The following ADAM10 variants were observed in gnomAD, a reference collection of about 807,000 sequenced individuals.
ADAM10 encodes the protein disintegrin and metalloproteinase domain-containing protein 10.
In ADAM10, 17 loss-of-function variants were observed where a neutral mutation model predicts 90.1. The ratio of observed to expected loss-of-function variants is 0.19; its 90% CI spans 0.13 to 0.28. The LOEUF is 0.28. ADAM10 is among the 10% of genes least tolerant of loss of function. The pLI is 1.00. For missense variants in ADAM10, 610 were observed against 914.3 expected (o/e 0.67, Z 4.29); for synonymous variants, 310 against 298.6 (o/e 1.04, Z -0.40).
intron 1 of ADAM10, among the ~76,000 whole-genome samples, chr15:58,722,809 G>A (rs1304927747): frequency 1.5e-5 from 2 of 134,800 alleles, no homozygotes; most frequent in Non-Finnish European, 3.0e-5. Flanking sequence ...AAGGCTCACT[G>A]TAGCCTTGAC....
intron 1 of ADAM10, among the ~76,000 whole-genome samples, chr15:58,731,856 T>C (rs889403783): frequency 6.6e-6 from 1 of 152,128 alleles, no homozygotes; most frequent in South Asian, 2.1e-4. Context: ...GAAAGACGTT[T>C]TTCCATCTAG....
intron 2 of ADAM10, among the ~76,000 whole-genome samples, chr15:58,695,180 C>T (rs1897941952): frequency 6.6e-6 from 1 of 152,172 alleles, no homozygotes; most frequent in Non-Finnish European, 1.5e-5. Context: ...TGCCAAATAA[C>T]TCCCAGGGCT....
At chr15:58,709,463 G>C (rs896537204) in intron 2 of ADAM10, among the ~76,000 whole-genome samples, 1 of 152,152 alleles carries the variant, frequency 6.6e-6, no homozygotes, top group African/African-American at 2.4e-5. Context: ...CACTGGCCAG[G>C]CACGGTGACT....
At chr15:58,647,248 ATTTTTTTTTTTTTTTTTT>A (rs67378373) in intron 5 of ADAM10, among the ~76,000 whole-genome samples, 1 of 59,602 alleles carries the variant, frequency 1.7e-5, no homozygotes, top group Admixed American at 2.1e-4. Context: ...GACACTAAGT[ATTTTTTTTTTTTTTTTTT>A]TTTTTTTTTT....
chr15:58,681,419 C>A (rs369627501), intron 3 of ADAM10, among the ~76,000 whole-genome samples: 11 of 152,180 alleles, frequency 7.2e-5, no homozygotes, highest in African/African-American at 2.6e-4. Flanking sequence ...AGAAAAAATT[C>A]TTTAAGCATT....
chr15:58,746,720 G>A (rs1313762140), intron 1 of ADAM10, among the ~76,000 whole-genome samples: 1 of 152,002 alleles, frequency 6.6e-6, no homozygotes, highest in Non-Finnish European at 1.5e-5. Context: ...AGACCAGCCT[G>A]GGCAACGTAT....
At chr15:58,701,931 C>T (rs546626999) in intron 2 of ADAM10, among the ~76,000 whole-genome samples, 39 of 152,082 alleles carry the variant, frequency 2.6e-4, no homozygotes, top group African/African-American at 8.9e-4. Context: ...CACAGCAAAA[C>T]CCCATCTCTA....
chr15:58,648,493 C>A (rs761763568), intron 5 of ADAM10, among the ~76,000 whole-genome samples: 8 of 151,148 alleles, frequency 5.3e-5, no homozygotes, highest in Non-Finnish European at 1.2e-4. Context: ...TACTCCAGAC[C>A]AAAGGAAAAA....
intron 2 of ADAM10, among the ~76,000 whole-genome samples, chr15:58,688,537 A>G (rs1897673555): frequency 6.6e-6 from 1 of 152,040 alleles, no homozygotes; most frequent in East Asian, 1.9e-4. Flanking sequence ...AAAAAGTGAG[A>G]ATGAATGATA....
chr15:58,681,359 G>C (rs1357732709), intron 3 of ADAM10, among the ~76,000 whole-genome samples: 1 of 152,104 alleles, frequency 6.6e-6, no homozygotes, highest in Non-Finnish European at 1.5e-5. Flanking sequence ...CTACAAATGA[G>C]AAAGTTTAAG....
chr15:58,732,948 T>C (rs1473256269), intron 1 of ADAM10: 1 of 152,610 alleles, frequency 6.6e-6, no homozygotes, highest in East Asian at 1.9e-4. Flanking sequence ...TTACAGCATA[T>C]AAGAGAATTC....
intron 5 of ADAM10, among the ~76,000 whole-genome samples, chr15:58,657,766 T>G (rs1896863641): frequency 6.6e-6 from 1 of 152,194 alleles, no homozygotes; most frequent in Non-Finnish European, 1.5e-5. Flanking sequence ...TGGATGTTGG[T>G]TCACGTCTGG....
At chr15:58,677,586 TGA>T (rs1406775571) in intron 4 of ADAM10, among the ~76,000 whole-genome samples, 1 of 151,906 alleles carries the variant, frequency 6.6e-6, no homozygotes, top group Non-Finnish European at 1.5e-5. Context: ...AAGGAAAACA[TGA>T]GAGAGGCACA....
chr15:58,720,128 T>C (rs1019156958), intron 1 of ADAM10, among the ~76,000 whole-genome samples: 3 of 152,202 alleles, frequency 2.0e-5, no homozygotes, highest in African/African-American at 7.2e-5. Context: ...GAGGTGGTTT[T>C]TTAATCTGTA....
At chr15:58,730,169 T>C (rs1899189973) in intron 1 of ADAM10, among the ~76,000 whole-genome samples, 1 of 152,224 alleles carries the variant, frequency 6.6e-6, no homozygotes, top group South Asian at 2.1e-4. Context: ...ACACACTTGC[T>C]TTAATGTAAG....
At chr15:58,656,977 A>G (rs1896843829) in intron 5 of ADAM10, among the ~76,000 whole-genome samples, 1 of 152,208 alleles carries the variant, frequency 6.6e-6, no homozygotes, top group African/African-American at 2.4e-5. Flanking sequence ...GCTATAGGAT[A>G]AAAAATTTTT....
At chr15:58,615,859 T>A (rs1330403376) in intron 11 of ADAM10, among the ~76,000 whole-genome samples, 2 of 151,598 alleles carry the variant, frequency 1.3e-5, no homozygotes, top group African/African-American at 4.9e-5. Flanking sequence ...AATACAAAAA[T>A]TAGTTGGGCA....
chr15:58,710,896 T>G (rs531794094), intron 2 of ADAM10, among the ~76,000 whole-genome samples: 1 of 152,344 alleles, frequency 6.6e-6, no homozygotes, highest in Non-Finnish European at 1.5e-5. Context: ...TTCTGCTACC[T>G]GACTCATGAT....
Position 58,597,534 on chromosome 15 carries a change from G to T in ADAM10, c.*13C>A, listed in dbSNP as rs375044581. ...ATTGTAGGCACTAGGAAGAACCAAGGCAAAAGCTGCAGTTAGCGTCTCATG... is the reference window on the plus strand; with the variant it reads ...ATTGTAGGCACTAGGAAGAACCAAGTCAAAAGCTGCAGTTAGCGTCTCATG... On this transcript the variant is annotated 3_prime_UTR_variant, in exon 16 of 16. Transcript: ENST00000260408. 6.2e-7 allele frequency: 1 copy of T among 1,614,066 alleles called. No homozygotes were observed. The highest frequency in any genetic ancestry group is 8.5e-7 in the Non-Finnish European group (1 of 1,180,014).
Sources: allele counts gnomAD v4.1 joint callset (sites outside exome capture counted in the v4.1 genomes callset), GRCh38; gene constraint gnomAD v4.1.1; transcripts MANE v1.5; gene names NCBI Gene and HGNC (gene_info 2026-07-23, HGNC 2026-07-21).